The following CSMD3 variants were observed in gnomAD, a reference collection of about 807,000 sequenced individuals.
CSMD3 encodes CUB and Sushi multiple domains 3.
A neutral mutation model predicts 435.2 loss-of-function variants in CSMD3; 177 were observed. The ratio of observed to expected loss-of-function variants is 0.41; its 90% CI spans 0.36 to 0.46. The LOEUF (loss-of-function observed/expected upper bound fraction) is 0.46, where lower values mean the gene tolerates loss of function less well. Ranked by LOEUF, CSMD3 falls within the 20% of genes least tolerant of loss-of-function variation. The probability of loss-of-function intolerance (pLI) is 0.34; values close to 1 mark genes in which losing one functional copy is unlikely to be tolerated. For missense variants in CSMD3, 4,265 were observed against 4,504.6 expected (o/e 0.95, Z 1.52); for synonymous variants, 1,656 against 1,520.5 (o/e 1.09, Z -2.07).
intron 13 of CSMD3, among the ~76,000 whole-genome samples, chr8:112,730,895 A>G (rs749409103): frequency 9.2e-5 from 14 of 152,160 alleles, no homozygotes; most frequent in African/African-American, 9.7e-5. Flanking sequence ...GAAACTGTTC[A>G]CAGTGCTCTT....
intron 63 of CSMD3, 130 bp downstream of exon 63, chr8:112,254,123 A>T: frequency 1.3e-6 from 1 of 781,800 alleles, no homozygotes; most frequent in Non-Finnish European, 2.3e-6. Flanking sequence ...GCTGTCTGTT[A>T]CCCTTTTTAT....
intron 59 of CSMD3, among the ~76,000 whole-genome samples, chr8:112,271,230 G>T (rs1460958381): frequency 6.6e-6 from 1 of 152,082 alleles, no homozygotes; most frequent in African/African-American, 2.4e-5. Context: ...AAATATCATT[G>T]ATAACAAATA....
At chr8:112,307,480 G>A (rs781080245) in intron 50 of CSMD3, among the ~76,000 whole-genome samples, 1 of 151,822 alleles carries the variant, frequency 6.6e-6, no homozygotes, top group Non-Finnish European at 1.5e-5. Context: ...ACGGGTTTTC[G>A]TCATGTTGGC....
intron 3 of CSMD3, among the ~76,000 whole-genome samples, chr8:113,242,672 G>A (rs537408623): frequency 6.6e-6 from 1 of 151,890 alleles, no homozygotes; most frequent in South Asian, 2.1e-4. Flanking sequence ...ATTGATTTTT[G>A]GTAACAAAGA....
chr8:113,284,733 C>A (rs1286335012), intron 2 of CSMD3, among the ~76,000 whole-genome samples: 1 of 151,928 alleles, frequency 6.6e-6, no homozygotes, highest in Non-Finnish European at 1.5e-5. Flanking sequence ...GCTATTTTTC[C>A]ATGTAATTAT....
intron 10 of CSMD3, among the ~76,000 whole-genome samples, chr8:112,890,121 C>T (rs183753685): frequency 6.3e-4 from 96 of 151,740 alleles, no homozygotes; most frequent in Admixed American, 1.7e-3. Context: ...TCAGTTTTGG[C>T]ACTAATGGTT....
intron 40 of CSMD3, among the ~76,000 whole-genome samples, chr8:112,349,005 T>G (rs2131040478): frequency 6.6e-6 from 1 of 152,168 alleles, no homozygotes; most frequent in African/African-American, 2.4e-5. Context: ...TGGAGCAATT[T>G]GATAATATTT....
At chr8:112,940,479 T>C (rs188466828) in intron 9 of CSMD3, among the ~76,000 whole-genome samples, 4 of 151,936 alleles carry the variant, frequency 2.6e-5, no homozygotes, top group Admixed American at 2.6e-4. Flanking sequence ...TCCCACAAGC[T>C]GAGCTTTCCC....
At chr8:112,494,542 T>C (rs950583693) in intron 30 of CSMD3, among the ~76,000 whole-genome samples, 12 of 146,062 alleles carry the variant, frequency 8.2e-5, no homozygotes, top group African/African-American at 3.1e-4. Context: ...TTTCTTTCTT[T>C]CTTTCTTTCT....
At chr8:113,128,515 CT>C (rs2131669583) in intron 4 of CSMD3, among the ~76,000 whole-genome samples, 1 of 151,940 alleles carries the variant, frequency 6.6e-6, no homozygotes, top group East Asian at 1.9e-4. Context: ...TTTTAACATA[CT>C]GTATTACACT....
At chr8:113,021,039 T>A (rs1259060326) in intron 5 of CSMD3, among the ~76,000 whole-genome samples, 1 of 152,170 alleles carries the variant, frequency 6.6e-6, no homozygotes, top group Non-Finnish European at 1.5e-5. Flanking sequence ...GTGTACAGAA[T>A]GTTGAATTCC....
At chr8:112,863,046 T>G (rs2080870147) in intron 10 of CSMD3, among the ~76,000 whole-genome samples, 1 of 151,990 alleles carries the variant, frequency 6.6e-6, no homozygotes, top group African/African-American at 2.4e-5. Context: ...TTTGTACACT[T>G]TTCCTCATTT....
intron 30 of CSMD3, among the ~76,000 whole-genome samples, chr8:112,493,877 C>T (rs1010187360): frequency 6.6e-6 from 1 of 151,916 alleles, no homozygotes; most frequent in African/African-American, 2.4e-5. Context: ...AAGGCCATTA[C>T]AATAAATCAG....
rs1244611736 is a variant in CSMD3 at position 112,843,674 on chromosome 8, G to C, written c.1756-13885C>G. On this transcript the variant is annotated intron_variant, in intron 11 of 70. Coordinates refer to ENST00000297405, the MANE Select transcript of CSMD3 (RefSeq NM_198123.2). Reference sequence around the variant, plus strand: ...GATTTGAAGATGGAGGAAGAAGACTGGGAATGGACCTCAGCTAAGAGCCAA... The same window carrying C: ...GATTTGAAGATGGAGGAAGAAGACTCGGAATGGACCTCAGCTAAGAGCCAA... Among the ~76,000 whole-genome samples, 3 of 151,776 alleles carry C rather than the reference G, an allele frequency of 2.0e-5. No individual in the cohort carries two copies. In the Admixed American group the frequency reaches 2.0e-4, roughly 10 times the overall value.
At chr8:113,363,309 C>A (rs1204095267) in intron 1 of CSMD3, among the ~76,000 whole-genome samples, 1 of 59,220 alleles carries the variant, frequency 1.7e-5, no homozygotes, top group East Asian at 6.5e-4. Context: ...TTTCAAAGTC[C>A]TTTATCAGAT....
chr8:112,847,684 T>C (rs917009965), intron 11 of CSMD3, among the ~76,000 whole-genome samples: 1 of 152,148 alleles, frequency 6.6e-6, no homozygotes, highest in Non-Finnish European at 1.5e-5. Context: ...CACTGAAGCT[T>C]GGCACAAGTA....
At chr8:112,705,058 C>G (rs1398116262) in intron 13 of CSMD3, among the ~76,000 whole-genome samples, 1 of 152,082 alleles carries the variant, frequency 6.6e-6, no homozygotes, top group Non-Finnish European at 1.5e-5. Flanking sequence ...TCAATATTTA[C>G]AGAGCATATA....
chr8:112,340,704 A>G (rs570608007), intron 42 of CSMD3, among the ~76,000 whole-genome samples: 3 of 152,294 alleles, frequency 2.0e-5, no homozygotes, highest in Non-Finnish European at 4.4e-5. Flanking sequence ...CATATAAGAC[A>G]TGAAATAATA....
chr8:113,427,934 A>G (rs2094645706), intron 1 of CSMD3, among the ~76,000 whole-genome samples: 1 of 151,702 alleles, frequency 6.6e-6, no homozygotes, highest in Non-Finnish European at 1.5e-5. Context: ...CACAAATTTT[A>G]AATTTTACTC....
Sources: allele counts gnomAD v4.1 joint callset (sites outside exome capture counted in the v4.1 genomes callset), GRCh38; gene constraint gnomAD v4.1.1; transcripts MANE v1.5; gene names NCBI Gene and HGNC (gene_info 2026-07-23, HGNC 2026-07-21).